Variants in NALF1 observed in about 807,000 individuals in gnomAD.
NALF1 encodes family with sequence similarity 155 member A.
A neutral mutation model predicts 48.4 loss-of-function variants in NALF1; 3 were observed. The ratio of observed to expected loss-of-function variants is 0.06; its 90% CI spans 0.03 to 0.16. The LOEUF (loss-of-function observed/expected upper bound fraction) is 0.16, where lower values mean the gene tolerates loss of function less well. Ranked by LOEUF, NALF1 falls within the 10% of genes least tolerant of loss-of-function variation. NALF1 has a pLI of 1.00. For missense variants in NALF1, 526 were observed against 571.5 expected (o/e 0.92, Z 0.81); for synonymous variants, 262 against 245.7 (o/e 1.07, Z -0.62).
chr13:107,212,300 T>C (rs1879778791), intron 1 of NALF1, among the ~76,000 whole-genome samples: 1 of 152,260 alleles, frequency 6.6e-6, no homozygotes, highest in Non-Finnish European at 1.5e-5. Context: ...CAGTCATCAA[T>C]GGCTCACAAT....
intron 1 of NALF1, among the ~76,000 whole-genome samples, chr13:107,295,992 T>C: frequency 6.6e-6 from 1 of 152,220 alleles, no homozygotes; most frequent in East Asian, 1.9e-4. Context: ...GAAAAATGCT[T>C]GCCAGAATAC....
At chr13:107,353,579 T>C (rs986007297) in intron 1 of NALF1, among the ~76,000 whole-genome samples, 1 of 152,246 alleles carries the variant, frequency 6.6e-6, no homozygotes, top group Non-Finnish European at 1.5e-5. Flanking sequence ...AAGAAGTTCA[T>C]AATTCAGAAT....
intron 1 of NALF1, among the ~76,000 whole-genome samples, chr13:107,769,959 C>G (rs1250958447): frequency 6.6e-6 from 1 of 152,210 alleles, no homozygotes; most frequent in Non-Finnish European, 1.5e-5. Context: ...GTCACCCAGG[C>G]TAGAGTGCAG....
chr13:107,522,723 C>T (rs1004162643), intron 1 of NALF1, among the ~76,000 whole-genome samples: 10 of 152,016 alleles, frequency 6.6e-5, no homozygotes, highest in South Asian at 2.1e-4. Context: ...CCTGCCTTTG[C>T]GTCCCGAGTA....
intron 1 of NALF1, among the ~76,000 whole-genome samples, chr13:107,862,355 C>A (rs60943394): frequency 0.22 from 33,017 of 151,928 alleles, 3,853 homozygotes; most frequent in East Asian, 0.47. Context: ...ACTTTTGTAA[C>A]TTAGAATATT....
intron 1 of NALF1, among the ~76,000 whole-genome samples, chr13:107,318,635 C>T (rs536782251): frequency 6.6e-6 from 1 of 152,164 alleles, no homozygotes; most frequent in Non-Finnish European, 1.5e-5. Flanking sequence ...CTTGATAGCG[C>T]AACTTGGAAA....
At chr13:107,409,473 G>A (rs1332673398) in intron 1 of NALF1, among the ~76,000 whole-genome samples, 1 of 152,138 alleles carries the variant, frequency 6.6e-6, no homozygotes, top group Admixed American at 6.6e-5. Context: ...GGTGATGCTT[G>A]AGCCAAACTA....
chr13:107,714,832 C>T (rs553293878), intron 1 of NALF1, among the ~76,000 whole-genome samples: 1 of 152,112 alleles, frequency 6.6e-6, no homozygotes, highest in South Asian at 2.1e-4. Flanking sequence ...ACGTTTTCCA[C>T]ACCTGAGTTT....
intron 1 of NALF1, among the ~76,000 whole-genome samples, chr13:107,225,383 C>A (rs1353380976): frequency 6.6e-6 from 1 of 152,042 alleles, no homozygotes; most frequent in African/African-American, 2.4e-5. Context: ...GGCTCAAGAT[C>A]TTTCTGCCTC....
At chr13:107,562,753 C>A (rs1877684426) in intron 1 of NALF1, among the ~76,000 whole-genome samples, 1 of 152,154 alleles carries the variant, frequency 6.6e-6, no homozygotes, top group Non-Finnish European at 1.5e-5. Flanking sequence ...AAAAGAGCAA[C>A]CAGAATAAAT....
At chr13:107,831,981 T>C (rs1236310592) in intron 1 of NALF1, among the ~76,000 whole-genome samples, 1 of 152,166 alleles carries the variant, frequency 6.6e-6, no homozygotes, top group Non-Finnish European at 1.5e-5. Context: ...AAATTTTTCA[T>C]AATTTGTGGA....
chr13:107,187,217 T>A (rs1184441949), intron 2 of NALF1, among the ~76,000 whole-genome samples: 1 of 150,884 alleles, frequency 6.6e-6, no homozygotes, highest in African/African-American at 2.5e-5. Flanking sequence ...TAGTTCCATG[T>A]GCAATGTCCC....
chr13:107,765,573 T>C (rs1877398173), intron 1 of NALF1, among the ~76,000 whole-genome samples: 1 of 152,202 alleles, frequency 6.6e-6, no homozygotes, highest in African/African-American at 2.4e-5. Flanking sequence ...TACATAACTG[T>C]ATATGTATAC....
intron 2 of NALF1, among the ~76,000 whole-genome samples, chr13:107,200,511 A>G (rs571299576): frequency 5.4e-4 from 83 of 152,348 alleles, no homozygotes; most frequent in Admixed American, 1.9e-3. Context: ...ATGAATGCAC[A>G]GACTCTTTCA....
At position 107,518,514 on chromosome 13, in the gene NALF1, T is replaced by C. The variant is rs547942041; in HGVS notation, c.916-307759A>G. Among the ~76,000 whole-genome samples, 5 of 152,280 alleles carry C rather than the reference T, an allele frequency of 3.3e-5. No individual in the cohort carries two copies. In the South Asian group the frequency reaches 1.0e-3, roughly 32 times the overall value. On this transcript the variant is annotated intron_variant, in intron 1 of 2. Transcript: ENST00000375915. ...TTTTTCACGTGTGCATTTGTCCACC[T>C]ACTCGACTGCTATTTATTGGTTGTG... is the stretch of plus-strand genomic sequence containing the variant.
At chr13:107,741,475 A>G (rs1272486292) in intron 1 of NALF1, among the ~76,000 whole-genome samples, 2 of 152,116 alleles carry the variant, frequency 1.3e-5, no homozygotes, top group East Asian at 3.9e-4. Context: ...CCCATTCACT[A>G]TCGTATGTAG....
At chr13:107,514,795 C>T (rs1016429076) in intron 1 of NALF1, among the ~76,000 whole-genome samples, 1 of 152,154 alleles carries the variant, frequency 6.6e-6, no homozygotes, top group Non-Finnish European at 1.5e-5. Flanking sequence ...TATACTCTCC[C>T]CCACTTATCT....
At chr13:107,448,011 C>T (rs1371251127) in intron 1 of NALF1, among the ~76,000 whole-genome samples, 1 of 152,108 alleles carries the variant, frequency 6.6e-6, no homozygotes, top group Non-Finnish European at 1.5e-5. Flanking sequence ...TACAGGGCAA[C>T]TTTGACCCCT....
chr13:107,742,031 T>C (rs1208264721), intron 1 of NALF1, among the ~76,000 whole-genome samples: 1 of 152,164 alleles, frequency 6.6e-6, no homozygotes, highest in Non-Finnish European at 1.5e-5. Context: ...ATCCATTACA[T>C]ATGTTTACAA....
Sources: allele counts gnomAD v4.1 joint callset (sites outside exome capture counted in the v4.1 genomes callset), GRCh38; gene constraint gnomAD v4.1.1; transcripts MANE v1.5; gene names NCBI Gene and HGNC (gene_info 2026-07-23, HGNC 2026-07-21).